The following AXDND1 variants were observed in gnomAD, a reference collection of about 807,000 sequenced individuals.
AXDND1 encodes the protein axonemal dynein light chain domain containing 1, also known as axonemal dynein light chain domain-containing protein 1.
AXDND1 carries 110 observed loss-of-function variants against 137.5 expected under a neutral mutation model. The ratio of observed to expected loss-of-function variants is 0.80; its 90% confidence interval spans 0.69 to 0.94. The LOEUF (loss-of-function observed/expected upper bound fraction) is 0.94. AXDND1 is among the 40% of genes least tolerant of loss of function. The pLI is 0.00. For missense variants in AXDND1, 1,191 were observed against 1,169.8 expected (o/e 1.02, Z -0.26); for synonymous variants, 414 against 399.7 (o/e 1.04, Z -0.43).
intron 23 of AXDND1, among the ~76,000 whole-genome samples, chr1:179,533,402 T>C (rs1170093565): frequency 6.6e-6 from 1 of 152,206 alleles, no homozygotes; most frequent in Non-Finnish European, 1.5e-5. Flanking sequence ...GTGAAGTAAA[T>C]TATTAGTAAG....
At chr1:179,384,915 C>T (rs989451456) in intron 8 of AXDND1, among the ~76,000 whole-genome samples, 1 of 152,020 alleles carries the variant, frequency 6.6e-6, no homozygotes, top group Admixed American at 6.6e-5. Context: ...AGGCGTGTGC[C>T]ACCATGGCTG....
chr1:179,457,336 C>T (rs1012577724), intron 16 of AXDND1: 9 of 556,916 alleles, frequency 1.6e-5, no homozygotes, highest in African/African-American at 5.6e-5. Context: ...TTAGACAAGA[C>T]GGCCGGGAGA....
rs1491093648 is a variant in AXDND1, at chr1:179,386,049, CCT to C, written c.863+691_863+692del. ...CCTGGAGCTGATTTTAGGATTTTTT[CCT>C]TTTTTTTTTTTTTTTTTTTTGAGAC... is the stretch of plus-strand genomic sequence containing the variant. On this transcript the variant is annotated intron_variant, in intron 9 of 25. Coordinates refer to ENST00000367618, the MANE Select transcript of AXDND1 (RefSeq NM_144696.6). Among the ~76,000 whole-genome samples the C allele has an allele frequency of 2.3e-5, 3 of 133,072 alleles. No individual in the cohort carries two copies. In the East Asian group the frequency reaches 6.6e-4, roughly 29 times the overall value. 87.3% of individuals were successfully genotyped at this position (133,072 alleles called of 152,430 possible).
intron 20 of AXDND1, among the ~76,000 whole-genome samples, chr1:179,498,622 T>C (rs189959164): frequency 6.6e-6 from 1 of 152,128 alleles, no homozygotes; most frequent in Non-Finnish European, 1.5e-5. Context: ...GAAAGGAAAC[T>C]GTCATTGGAA....
chr1:179,366,901 CT>C (rs1667480693), intron 2 of AXDND1, among the ~76,000 whole-genome samples: 1 of 152,062 alleles, frequency 6.6e-6, no homozygotes, highest in Non-Finnish European at 1.5e-5. Context: ...GGTTCCTGGT[CT>C]TTGGCTTTAA....
chr1:179,497,678 A>G (rs1436172623), intron 20 of AXDND1, among the ~76,000 whole-genome samples: 1 of 152,148 alleles, frequency 6.6e-6, no homozygotes, highest in Non-Finnish European at 1.5e-5. Flanking sequence ...GGCAAGAGAA[A>G]GAAATAAAAG....
chr1:179,491,047 G>C (rs1666836231), intron 18 of AXDND1, among the ~76,000 whole-genome samples: 1 of 152,180 alleles, frequency 6.6e-6, no homozygotes, highest in Admixed American at 6.5e-5. Context: ...ATCAGTGGCT[G>C]GGCGTGTGGT....
intron 21 of AXDND1, among the ~76,000 whole-genome samples, chr1:179,513,186 T>A (rs1669212712): frequency 6.6e-6 from 1 of 152,220 alleles, no homozygotes; most frequent in South Asian, 2.1e-4. Flanking sequence ...TCCAATATTA[T>A]GTTTGCTGTG....
rs556793224 is a variant in AXDND1 at position 179,423,778 on chromosome 1, C to T, written c.1231-5740C>T. ...TTTGACTTTTAGTTATTTGCATTTACATATTTGTATATATTAACCATCTCT... is the reference window on the plus strand; with the variant it reads ...TTTGACTTTTAGTTATTTGCATTTATATATTTGTATATATTAACCATCTCT... On this transcript the variant is annotated intron_variant, in intron 12 of 25. Coordinates refer to ENST00000367618, the MANE Select transcript of AXDND1 (RefSeq NM_144696.6). 5.3e-5 allele frequency among the ~76,000 whole-genome samples: 8 copies of T among 152,292 alleles called. No homozygotes were observed. The South Asian group carries it at 1.7e-3, about 32-fold the overall frequency.
intron 21 of AXDND1, among the ~76,000 whole-genome samples, chr1:179,510,684 G>A (rs551708915): frequency 2.4e-4 from 36 of 152,216 alleles, no homozygotes; most frequent in African/African-American, 6.5e-4. Flanking sequence ...AATCAGAGAC[G>A]TGAGAGCAGA....
chr1:179,460,010 CTCCT>C (rs1221022795), intron 16 of AXDND1, among the ~76,000 whole-genome samples: 4 of 87,164 alleles, frequency 4.6e-5, no homozygotes, highest in African/African-American at 2.1e-4. Context: ...CTTCCTTCCT[CTCCT>C]TCCTTCCTTC....
At position 179,491,768 on chromosome 1, in the gene AXDND1, G is replaced by A. The variant is rs775380688; in HGVS notation, c.2291+31G>A. 2.0e-6 allele frequency: 3 copies of A among 1,492,022 alleles called. No homozygotes were observed. The African/African-American group carries it at 4.3e-5, about 21-fold the overall frequency. The allele number at this position is 1,492,022 out of a possible 1,614,324, so 92.4% of individuals were successfully genotyped here. On this transcript the variant is annotated intron_variant, in intron 19 of 25. Coordinates refer to ENST00000367618, the MANE Select transcript of AXDND1 (RefSeq NM_144696.6). ...GCGGTTATTTTATTGTTGCCCTTTT[G>A]AAGAATTGAATGTCGCATATAACAG...
intron 4 of AXDND1, among the ~76,000 whole-genome samples, chr1:179,378,221 C>T (rs1323653875): frequency 6.6e-6 from 1 of 151,862 alleles, no homozygotes; most frequent in Non-Finnish European, 1.5e-5. Flanking sequence ...AATACATGTT[C>T]AAGGAAATAT....
At chr1:179,510,329 A>G (rs1236572990) in intron 21 of AXDND1, among the ~76,000 whole-genome samples, 1 of 152,144 alleles carries the variant, frequency 6.6e-6, no homozygotes, top group Non-Finnish European at 1.5e-5. Flanking sequence ...CCTCCAGTAA[A>G]TTCTGAAGAA....
intron 21 of AXDND1, among the ~76,000 whole-genome samples, chr1:179,516,907 T>C (rs1669592204): frequency 6.6e-6 from 1 of 152,188 alleles, no homozygotes; most frequent in Non-Finnish European, 1.5e-5. Flanking sequence ...GGTGGTTTAA[T>C]GTTCTGTTTT....
rs1666408095 is a variant in AXDND1 at position 179,488,636 on chromosome 1, TTTCTTTCTTTCTTTCTTTCTTTC to T, written c.2092-2899_2092-2877del. The stretch of plus-strand genomic sequence containing the variant: ...TCTTTCTTTCTCTCTCTCTCTCTCC[TTTCTTTCTTTCTTTCTTTCTTTC>T]TTTCTTTCTTTCTTTCTTTCTTTCT... On this transcript the variant is annotated intron_variant, in intron 18 of 25. Coordinates refer to ENST00000367618, the MANE Select transcript of AXDND1 (RefSeq NM_144696.6). Among the ~76,000 whole-genome samples the T allele has an allele frequency of 5.7e-4, 26 of 45,652 alleles. 1 individual carries two copies. The highest frequency in any genetic ancestry group is 2.2e-3 in the South Asian group (3 of 1,366). The allele number at this position is 45,652 out of a possible 152,430, so 29.9% of individuals were successfully genotyped here. A position where few individuals can be genotyped will look rare whatever the true frequency, so the allele number is the denominator to read the frequency against.
chr1:179,500,225 G>A (rs182960085), intron 20 of AXDND1, among the ~76,000 whole-genome samples: 42 of 151,802 alleles, frequency 2.8e-4, no homozygotes, highest in Admixed American at 5.3e-4. Context: ...ATGCAAGTTC[G>A]TAATATAACA....
chr1:179,389,901 C>G (rs1649871603), intron 9 of AXDND1, among the ~76,000 whole-genome samples: 1 of 152,132 alleles, frequency 6.6e-6, no homozygotes, highest in Non-Finnish European at 1.5e-5. Flanking sequence ...CCACTTTCAG[C>G]CTTAAAGCAA....
At chr1:179,413,137 A>T (rs969182751) in intron 12 of AXDND1, among the ~76,000 whole-genome samples, 4 of 152,236 alleles carry the variant, frequency 2.6e-5, no homozygotes, top group Non-Finnish European at 2.9e-5. Flanking sequence ...ACACATGTTT[A>T]ATATATTCAA....
Sources: gnomAD v4.1 joint callset for allele counts (sites outside exome capture counted in the v4.1 genomes callset) on GRCh38, gnomAD v4.1.1 for gene constraint, MANE v1.5 for transcripts, NCBI Gene and HGNC (gene_info 2026-07-23, HGNC 2026-07-21) for gene names.